The following DNM1L variants were observed in gnomAD, a reference collection of about 807,000 sequenced individuals.
The protein encoded by DNM1L is dynamin-1-like protein.
DNM1L carries 33 observed loss-of-function variants against 92.8 expected under a neutral mutation model. That is an observed-to-expected ratio of 0.36 (90% CI 0.27 to 0.48). DNM1L has a LOEUF of 0.48. Among genes scored for constraint, DNM1L ranks in the 20% least tolerant of loss-of-function variants. The pLI is 0.99. For missense variants in DNM1L, 485 were observed against 888.8 expected (o/e 0.55, Z 5.78); for synonymous variants, 284 against 305.0 (o/e 0.93, Z 0.72).
At chr12:32,695,755 G>T (rs1050797849) in intron 1 of DNM1L, among the ~76,000 whole-genome samples, 2 of 152,268 alleles carry the variant, frequency 1.3e-5, no homozygotes, top group African/African-American at 4.8e-5. Flanking sequence ...CTGGGCAACA[G>T]AGTGAGACCT....
At chr12:32,715,844 AAC>A (rs1275806164) in intron 6 of DNM1L, among the ~76,000 whole-genome samples, 1 of 152,208 alleles carries the variant, frequency 6.6e-6, no homozygotes, top group Non-Finnish European at 1.5e-5. Context: ...CATTTTGGGA[AAC>A]AGTCTGGCAG....
Position 32,702,523 on chromosome 12 carries a change from A to G in DNM1L, c.250+961A>G, listed in dbSNP as rs187394189. ...TAAATTACTTTTGCAGCAGAGTACC[A>G]TATCTGTTTCTTATCTGCAGAGATC... On this transcript the variant is annotated intron_variant, in intron 2 of 19. Coordinates refer to ENST00000549701, the MANE Select transcript of DNM1L (RefSeq NM_012062.5). 9.6e-3 allele frequency among the ~76,000 whole-genome samples: 1,469 copies of G among 152,306 alleles called. 15 individuals are homozygous for G. The highest frequency in any genetic ancestry group is 0.017 in the Non-Finnish European group (1,130 of 68,022).
At chr12:32,735,246 A>G (rs773090171) in intron 13 of DNM1L, among the ~76,000 whole-genome samples, 1 of 152,164 alleles carries the variant, frequency 6.6e-6, no homozygotes, top group African/African-American at 2.4e-5. Flanking sequence ...AATCTTTACC[A>G]TACCCTGAGG....
chr12:32,704,497 C>G (rs1339939273), intron 2 of DNM1L, among the ~76,000 whole-genome samples: 1 of 150,896 alleles, frequency 6.6e-6, no homozygotes, highest in Non-Finnish European at 1.5e-5. Flanking sequence ...TTGTAGTGAG[C>G]CGAGATCGAG....
chr12:32,713,268 G>A lies in DNM1L; in HGVS notation c.516G>A (p.Arg172=), dbSNP rs1194877532. Residue 172 remains arginine (R), a synonymous_variant, in exon 6 of 20, where the codon CGG becomes CGA. Coordinates refer to ENST00000549701, the MANE Select transcript of DNM1L (RefSeq NM_012062.5). The part of the protein sequence containing the change: ...IELQIRELIL[R]FISNPNSIIL... ...TTCAAATCAGAGAGCTCATTCTTCGGTTCATCAGTAATCCTAATTCCATTA... is the reference window on the plus strand; with the variant it reads ...TTCAAATCAGAGAGCTCATTCTTCGATTCATCAGTAATCCTAATTCCATTA... 3.1e-6 allele frequency: 5 copies of A among 1,613,858 alleles called. No homozygotes were observed. The highest frequency in any genetic ancestry group is 4.2e-6 in the Non-Finnish European group (5 of 1,179,916).
At chr12:32,701,909 G>C (rs977089207) in intron 2 of DNM1L, among the ~76,000 whole-genome samples, 1 of 151,210 alleles carries the variant, frequency 6.6e-6, no homozygotes, top group Non-Finnish European at 1.5e-5. Context: ...TGTATTTTTA[G>C]AAGAGACAGG....
chr12:32,711,173 C>T lies in DNM1L; in HGVS notation c.456+158C>T, dbSNP rs558696759. The T allele has an allele frequency of 3.0e-5, 20 of 672,540 alleles. No homozygotes were observed. The African/African-American group carries it at 3.2e-4, about 11-fold the overall frequency. 41.7% of individuals were successfully genotyped at this position (672,540 alleles called of 1,614,324 possible). On this transcript the variant is annotated intron_variant, in intron 5 of 19. Transcript: ENST00000549701. ...TCCTTGAAACACTTTCTTTACTTGG[C>T]TTCCAGGATACCACACTCTACAGGT... is the stretch of plus-strand genomic sequence containing the variant.
intron 1 of DNM1L, among the ~76,000 whole-genome samples, chr12:32,681,492 G>C (rs1181768596): frequency 6.6e-6 from 1 of 151,900 alleles, no homozygotes; most frequent in Admixed American, 6.6e-5. Flanking sequence ...TTGAGGCTGT[G>C]GTGCGTGCAG....
intron 9 of DNM1L, among the ~76,000 whole-genome samples, chr12:32,727,707 C>T (rs1366722195): frequency 1.3e-5 from 2 of 152,172 alleles, no homozygotes; most frequent in Non-Finnish European, 2.9e-5. Context: ...AACTTTCTGT[C>T]TCATACATTA....
chr12:32,727,621 G>C, intron 9 of DNM1L: 1 of 412,930 alleles, frequency 2.4e-6, no homozygotes, highest in Non-Finnish European at 4.4e-6. Flanking sequence ...ACAACACATA[G>C]ATGCCTATAC....
chr12:32,737,913 C>T lies in DNM1L; in HGVS notation c.1645C>T (p.Pro549Ser), dbSNP rs761934549. The T allele has an allele frequency of 7.4e-6, 12 of 1,613,988 alleles. No homozygotes were observed. The highest frequency in any genetic ancestry group is 2.2e-5 in the East Asian group (1 of 44,862). ...GGCACCTGCCTCCCAGGAGCCCTCC[C>T]CCGCTGCTTCTGCTGAGGCTGATGG... ...ALAPASQEPS[P>S]AASAEADGKL... Residue 549 changes from proline (P) to serine (S), a missense_variant, in exon 15 of 20, where the codon CCC becomes TCC. Pro to Ser is a moderately conservative substitution (Grantham distance 74). Coordinates refer to ENST00000549701, the MANE Select transcript of DNM1L (RefSeq NM_012062.5).
In DNM1L at chr12:32,737,153, C is replaced by T. The variant is rs1439786424; in HGVS notation, c.1588C>T (p.Arg530Ter). Residue 530 changes from arginine to a stop codon, truncating the protein, a stop_gained, in exon 14 of 20, where the codon CGA becomes TGA. Transcript: ENST00000549701. LOFTEE classifies it high-confidence loss of function. ...LARELPSAVS[R>*]DKSSKVPSAL... ...CAGAGAATTACCTTCAGCTGTATCA[C>T]GAGACAAGGTAAAAAAATGTTTTTA... The T allele has an allele frequency of 6.2e-6, 10 of 1,613,452 alleles. No homozygotes were observed. The highest frequency in any genetic ancestry group is 7.6e-6 in the Non-Finnish European group (9 of 1,179,846).
Position 32,744,929 on chromosome 12 carries a change from A to G in DNM1L, c.*1519A>G. ...TAGCCCCGTCTCTAATAGACAACAC[A>G]TTTATATTGCAGATATTACTTTTTT... On this transcript the variant is annotated 3_prime_UTR_variant, in exon 20 of 20. Coordinates refer to ENST00000549701, the MANE Select transcript of DNM1L (RefSeq NM_012062.5). 1 of 518,354 alleles carries G rather than the reference A, an allele frequency of 1.9e-6. No individual in the cohort carries two copies. The highest frequency in any genetic ancestry group is 3.9e-6 in the Non-Finnish European group (1 of 259,698). The allele number at this position is 518,354 out of a possible 1,614,324, so 32.1% of individuals were successfully genotyped here. A position where few individuals can be genotyped will look rare whatever the true frequency, so the allele number is the denominator to read the frequency against.
At chr12:32,735,478 A>G (rs943136208) in intron 13 of DNM1L, among the ~76,000 whole-genome samples, 3 of 152,156 alleles carry the variant, frequency 2.0e-5, no homozygotes, top group Admixed American at 6.5e-5. Context: ...TATTTTGAAG[A>G]TTGTTAATAT....
rs1555126034 is a variant in DNM1L at position 32,731,807 on chromosome 12, A to AAAAAAAAAC, written c.1357-41_1357-40insAACAAAAAA. On this transcript the variant is annotated intron_variant, in intron 11 of 19. Transcript: ENST00000549701. The surrounding 1 kb of genome is among the most constrained non-coding windows in gnomAD (Gnocchi z 5.1). Reference sequence around the variant, plus strand: ...TGGCTTAGTGAGACTATGACTTAAAAAAAAAACAAAAAACAAACACGTTTT... The same window carrying AAAAAAAAAC: ...TGGCTTAGTGAGACTATGACTTAAAAAAAAAAAACAAAAAACAAAAAACAAACACGTTTT... 5 of 1,519,994 alleles carry AAAAAAAAAC rather than the reference A, an allele frequency of 3.3e-6. No individual in the cohort carries two copies. Among genetic ancestry groups the AAAAAAAAAC allele is most frequent in the Non-Finnish European group, 3.6e-6 (4 of 1,096,942 alleles). 94.2% of individuals were successfully genotyped at this position (1,519,994 alleles called of 1,614,324 possible).
intron 3 of DNM1L, among the ~76,000 whole-genome samples, 178 bp from the exon 4 acceptor site, chr12:32,707,974 GA>G (rs1357746760): frequency 1.3e-5 from 2 of 150,274 alleles, no homozygotes; most frequent in East Asian, 1.9e-4. Context: ...AAGCCAAACA[GA>G]AAAAAACTCA....
intron 8 of DNM1L, among the ~76,000 whole-genome samples, chr12:32,721,815 C>T (rs1192502323): frequency 6.6e-6 from 1 of 152,128 alleles, no homozygotes; most frequent in Non-Finnish European, 1.5e-5. Flanking sequence ...GTCAGGGTAC[C>T]CATGATCCCC....
At chr12:32,719,308 ATGT>A (rs1166605445) in intron 7 of DNM1L, among the ~76,000 whole-genome samples, 2 of 152,186 alleles carry the variant, frequency 1.3e-5, no homozygotes, top group Non-Finnish European at 2.9e-5. Flanking sequence ...AATGGAAGAA[ATGT>A]TGTAATAGCC....
chr12:32,679,881 A>G, intron 1 of DNM1L: 7 of 990,296 alleles, frequency 7.1e-6, no homozygotes, highest in Non-Finnish European at 7.2e-6. Context: ...GGCTGTTCCC[A>G]TCACTGTTGG....
Sources: gnomAD v4.1 joint callset for allele counts (sites outside exome capture counted in the v4.1 genomes callset) on GRCh38, gnomAD v4.1.1 for gene constraint, Gnocchi (gnomAD v3.1) non-coding constraint, MANE v1.5 for transcripts, NCBI Gene and HGNC (gene_info 2026-07-23, HGNC 2026-07-21) for gene names.